The following LSAMP variants were observed in gnomAD, a reference collection of about 807,000 sequenced individuals.
LSAMP encodes the protein limbic system associated membrane protein, also known as limbic system-associated membrane protein.
In LSAMP, 7 loss-of-function variants were observed where a neutral mutation model predicts 38.6. The observed-to-expected ratio is 0.18, with a 90% CI of 0.10 to 0.34. The LOEUF is 0.34. LSAMP is among the 10% of genes least tolerant of loss of function. The probability of loss-of-function intolerance (pLI) is 1.00; values close to 1 mark genes in which losing one functional copy is unlikely to be tolerated. For missense variants in LSAMP, 313 were observed against 420.0 expected (o/e 0.75, Z 2.23); for synonymous variants, 154 against 166.8 (o/e 0.92, Z 0.59).
Position 115,986,133 on chromosome 3 carries a change from G to A in LSAMP, c.514+33382C>T, listed in dbSNP as rs137896809. Among the ~76,000 whole-genome samples, 233 of 152,178 alleles carry A rather than the reference G, an allele frequency of 1.5e-3. 1 individual carries two copies. The highest frequency in any genetic ancestry group is 5.5e-3 in the African/African-American group (227 of 41,530). ...TTCTTGATCTCAAATGGTAACAGGT[G>A]GAATTTTAAAAGACTTAGAATGACA... On this transcript the variant is annotated intron_variant, in intron 3 of 6. Transcript: ENST00000490035.
intron 1 of LSAMP, among the ~76,000 whole-genome samples, chr3:116,333,630 C>T (rs1482216866): frequency 1.3e-5 from 2 of 149,770 alleles, no homozygotes; most frequent in East Asian, 3.9e-4. Flanking sequence ...AGAAAATTCA[C>T]AAATTTGTGG....
chr3:116,197,130 GACACACACACACACAC>G (rs10650049), intron 1 of LSAMP, among the ~76,000 whole-genome samples: 2 of 136,746 alleles, frequency 1.5e-5, no homozygotes, highest in African/African-American at 2.8e-5. Flanking sequence ...ATCCCACTCG[GACACACACACACACAC>G]ACACACACAC....
At chr3:116,193,531 A>T (rs1044724461) in intron 1 of LSAMP, among the ~76,000 whole-genome samples, 2 of 152,228 alleles carry the variant, frequency 1.3e-5, no homozygotes, top group Non-Finnish European at 2.9e-5. Flanking sequence ...GCCTTGTAAA[A>T]ACAGCAACAA....
intron 2 of LSAMP, among the ~76,000 whole-genome samples, chr3:116,079,631 C>CAAA (rs34038261): frequency 5.6e-4 from 48 of 85,914 alleles, no homozygotes; most frequent in Non-Finnish European, 6.8e-4. Flanking sequence ...GACTCTGTCT[C>CAAA]AAAAAAAAAA....
intron 1 of LSAMP, among the ~76,000 whole-genome samples, chr3:116,283,539 C>T (rs934842028): frequency 6.6e-6 from 1 of 152,140 alleles, no homozygotes; most frequent in African/African-American, 2.4e-5. Context: ...TATCTAACCT[C>T]ATCTGGCTAC....
intron 2 of LSAMP, among the ~76,000 whole-genome samples, chr3:116,023,178 C>G (rs9838885): frequency 1.1e-4 from 16 of 143,288 alleles, no homozygotes; most frequent in Non-Finnish European, 2.4e-4. Context: ...CTCTCTCTCT[C>G]TATATATATA....
chr3:116,076,823 C>A (rs1211044529), intron 2 of LSAMP, among the ~76,000 whole-genome samples: 1 of 152,068 alleles, frequency 6.6e-6, no homozygotes, highest in East Asian at 1.9e-4. Context: ...AAAGCCAGTT[C>A]TTTCATCCTT....
chr3:115,842,616 CG>C, intron 4 of LSAMP, 38 bp from the exon 5 acceptor site: 1 of 1,607,670 alleles, frequency 6.2e-7, no homozygotes, highest in Non-Finnish European at 8.5e-7. Context: ...ACATGAGGGT[CG>C]GGGTGCTTAG....
At chr3:116,233,076 C>A (rs566136158) in intron 1 of LSAMP, among the ~76,000 whole-genome samples, 1 of 152,052 alleles carries the variant, frequency 6.6e-6, no homozygotes, top group East Asian at 1.9e-4. Flanking sequence ...TCTTTAGAAT[C>A]TTGTATTATA....
chr3:115,843,955 C>T (rs1935077972), intron 4 of LSAMP, among the ~76,000 whole-genome samples: 1 of 152,132 alleles, frequency 6.6e-6, no homozygotes, highest in African/African-American at 2.4e-5. Flanking sequence ...GACTTACTGC[C>T]TTATTTCCGT....
chr3:116,346,326 T>TG lies in LSAMP; in HGVS notation c.155+98550_155+98551insC, dbSNP rs2048062945. On this transcript the variant is annotated intron_variant, in intron 1 of 6. Transcript: ENST00000490035. ...TTTTTTTTTCTAAGGGTTAGTTTTA[T>TG]CTTTTTTTTTTTTTCTTTTTGTGAC... Among the ~76,000 whole-genome samples, 8 of 104,552 alleles carry TG rather than the reference T, an allele frequency of 7.7e-5. No individual in the cohort carries two copies. The Admixed American group carries it at 8.2e-4, about 11-fold the overall frequency. The allele number at this position is 104,552 out of a possible 152,430, so 68.6% of individuals were successfully genotyped here. A position where few individuals can be genotyped will look rare whatever the true frequency, so the allele number is the denominator to read the frequency against.
chr3:116,269,788 ATC>A (rs2046945494), intron 1 of LSAMP, among the ~76,000 whole-genome samples: 2 of 152,150 alleles, frequency 1.3e-5, no homozygotes, highest in Non-Finnish European at 2.9e-5. Flanking sequence ...TGATCAATTG[ATC>A]AAGATCACAA....
intron 1 of LSAMP, among the ~76,000 whole-genome samples, chr3:116,359,673 T>A (rs2048276922): frequency 6.6e-6 from 1 of 152,148 alleles, no homozygotes. Flanking sequence ...GTCATGGTGG[T>A]TTGCTACACA....
chr3:115,836,789 G>A (rs1383339208), intron 6 of LSAMP, among the ~76,000 whole-genome samples: 3 of 152,182 alleles, frequency 2.0e-5, no homozygotes, highest in African/African-American at 7.2e-5. Flanking sequence ...AAAAGTAGCT[G>A]GTTAAAAGGC....
intron 1 of LSAMP, among the ~76,000 whole-genome samples, chr3:116,157,873 G>C (rs1417274638): frequency 6.6e-6 from 1 of 151,922 alleles, no homozygotes. Flanking sequence ...GAATTATCCT[G>C]ATACCAAAAC....
chr3:115,983,464 C>G (rs1576282343), intron 3 of LSAMP, among the ~76,000 whole-genome samples: 1 of 152,062 alleles, frequency 6.6e-6, no homozygotes, highest in African/African-American at 2.4e-5. Context: ...CAGGCTGCAG[C>G]AAGCCATGAT....
At chr3:116,345,031 A>G (rs536966044) in intron 1 of LSAMP, among the ~76,000 whole-genome samples, 1 of 152,296 alleles carries the variant, frequency 6.6e-6, no homozygotes, top group African/African-American at 2.4e-5. Context: ...TGATTTGTTT[A>G]GCACATATTT....
intron 1 of LSAMP, among the ~76,000 whole-genome samples, chr3:116,135,827 TAA>T (rs1353901341): frequency 6.6e-6 from 1 of 152,166 alleles, no homozygotes; most frequent in Non-Finnish European, 1.5e-5. Flanking sequence ...ATGCATCCCA[TAA>T]TTTCTCATCC....
chr3:116,115,281 A>G (rs1051391193), intron 1 of LSAMP, among the ~76,000 whole-genome samples: 1 of 152,268 alleles, frequency 6.6e-6, no homozygotes, highest in Non-Finnish European at 1.5e-5. Context: ...GCACAGCTCA[A>G]ATATATTTAC....
Sources: allele counts gnomAD v4.1 joint callset (sites outside exome capture counted in the v4.1 genomes callset), GRCh38; gene constraint gnomAD v4.1.1; transcripts MANE v1.5; gene names NCBI Gene and HGNC (gene_info 2026-07-23, HGNC 2026-07-21).